GALNTL6: variants seen among roughly 807,000 people sequenced by gnomAD.
GALNTL6 encodes the protein polypeptide N-acetylgalactosaminyltransferase like 6.
A neutral mutation model predicts 73.7 loss-of-function variants in GALNTL6; 46 were observed. That is an observed-to-expected ratio of 0.62 (90% CI 0.49 to 0.80). The LOEUF (loss-of-function observed/expected upper bound fraction) is 0.80, where lower values mean the gene tolerates loss of function less well. GALNTL6 is among the 30% of genes least tolerant of loss of function. GALNTL6 has a pLI of 0.00. For missense variants in GALNTL6, 604 were observed against 755.0 expected, an observed-to-expected ratio of 0.80 and a Z score of 2.34; for synonymous variants, 259 against 263.7, an observed-to-expected ratio of 0.98 and a Z score of 0.17.
At chr4:172,413,531 A>G (rs929256518) in intron 5 of GALNTL6, among the ~76,000 whole-genome samples, 16 of 152,216 alleles carry the variant, frequency 1.1e-4, no homozygotes, top group African/African-American at 3.9e-4. Flanking sequence ...ACAGCCAAGT[A>G]TATTTCCACA....
At chr4:172,121,687 G>C (rs1040740499) in intron 2 of GALNTL6, among the ~76,000 whole-genome samples, 1 of 152,044 alleles carries the variant, frequency 6.6e-6, no homozygotes, top group African/African-American at 2.4e-5. Flanking sequence ...TGGTTCTCAG[G>C]CTAGGTCTAC....
chr4:172,644,386 A>G (rs1205748154), intron 5 of GALNTL6, among the ~76,000 whole-genome samples: 3 of 151,964 alleles, frequency 2.0e-5, no homozygotes, highest in African/African-American at 7.2e-5. Context: ...CACCCCAGAA[A>G]GATCTCCCTT....
At chr4:172,185,620 A>G (rs1294889868) in intron 2 of GALNTL6, among the ~76,000 whole-genome samples, 3 of 152,214 alleles carry the variant, frequency 2.0e-5, no homozygotes, top group South Asian at 2.1e-4. Context: ...ATTCTTAAGT[A>G]TAATTTGAGA....
rs575159777 is a variant in GALNTL6, at chr4:173,027,343, G to GA, written c.1638+5721dup. ...AAGGGTTGATTCATATACAGAGATA[G>GA]AAATAGATATAGATATATATTGATA... On this transcript the variant is annotated intron_variant, in intron 12 of 12. Transcript: ENST00000506823. Among the ~76,000 whole-genome samples the GA allele has an allele frequency of 1.4e-3, 208 of 152,262 alleles. 1 individual carries two copies. The highest frequency in any genetic ancestry group is 4.8e-3 in the African/African-American group (198 of 41,542).
At chr4:172,591,185 T>C (rs1737623839) in intron 5 of GALNTL6, among the ~76,000 whole-genome samples, 2 of 152,220 alleles carry the variant, frequency 1.3e-5, no homozygotes, top group African/African-American at 4.8e-5. Context: ...CTTTGAGAAA[T>C]TAAAGTTTAC....
intron 2 of GALNTL6, among the ~76,000 whole-genome samples, chr4:172,042,393 C>T (rs1742109135): frequency 6.6e-6 from 1 of 152,014 alleles, no homozygotes; most frequent in Non-Finnish European, 1.5e-5. Flanking sequence ...CCTTTAACTC[C>T]ATAACTTGTA....
In GALNTL6 at chr4:172,700,016, C is replaced by T. The variant is rs937684732; in HGVS notation, c.554-109345C>T. Among the ~76,000 whole-genome samples, 26 of 152,008 alleles carry T rather than the reference C, an allele frequency of 1.7e-4. No individual in the cohort carries two copies. The East Asian group carries it at 3.3e-3, about 19-fold the overall frequency. ...TTTACAAATGATACCAAGAAACTTC[C>T]GTCAATGACCTATGCATAAGGATTT... On this transcript the variant is annotated intron_variant, in intron 5 of 12. Coordinates refer to ENST00000506823, the MANE Select transcript of GALNTL6 (RefSeq NM_001034845.3).
intron 2 of GALNTL6, among the ~76,000 whole-genome samples, chr4:172,224,391 A>G (rs1736783455): frequency 6.6e-6 from 1 of 152,194 alleles, no homozygotes; most frequent in Non-Finnish European, 1.5e-5. Context: ...ATTTTCTTCC[A>G]AGGAACAAAT....
intron 5 of GALNTL6, among the ~76,000 whole-genome samples, chr4:172,408,311 T>C (rs1025654109): frequency 6.6e-6 from 1 of 152,066 alleles, no homozygotes; most frequent in Admixed American, 6.6e-5. Flanking sequence ...TAATTTGTTA[T>C]TTTTATACCT....
At chr4:172,864,352 C>A (rs960487999) in intron 7 of GALNTL6, among the ~76,000 whole-genome samples, 2 of 152,084 alleles carry the variant, frequency 1.3e-5, no homozygotes, top group African/African-American at 2.4e-5. Context: ...CCTGTCCTAG[C>A]CAGAATCATA....
At chr4:171,940,864 T>TAA (rs35996530) in intron 2 of GALNTL6, among the ~76,000 whole-genome samples, 13 of 142,244 alleles carry the variant, frequency 9.1e-5, no homozygotes, top group Middle Eastern at 3.3e-3. Flanking sequence ...AATAAATAAA[T>TAA]ATATAAGTCA....
At chr4:172,444,548 C>T (rs1731950859) in intron 5 of GALNTL6, among the ~76,000 whole-genome samples, 1 of 152,040 alleles carries the variant, frequency 6.6e-6, no homozygotes, top group Non-Finnish European at 1.5e-5. Flanking sequence ...ATGCCTCAGA[C>T]CTTGTTATTT....
intron 7 of GALNTL6, among the ~76,000 whole-genome samples, chr4:172,854,643 C>A (rs1357721342): frequency 6.6e-6 from 1 of 152,098 alleles, no homozygotes; most frequent in Non-Finnish European, 1.5e-5. Context: ...CATTCTATAT[C>A]CAATTGTAAA....
chr4:172,749,841 T>C (rs1351922664), intron 5 of GALNTL6, among the ~76,000 whole-genome samples: 1 of 149,518 alleles, frequency 6.7e-6, no homozygotes, highest in Non-Finnish European at 1.5e-5. Flanking sequence ...ATTTCTGATA[T>C]TTACTCTTTG....
At chr4:172,606,630 C>CA (rs1738295240) in intron 5 of GALNTL6, among the ~76,000 whole-genome samples, 2 of 37,538 alleles carry the variant, frequency 5.3e-5, no homozygotes, top group African/African-American at 1.1e-4. Flanking sequence ...TATATATATA[C>CA]TATATATATA....
intron 2 of GALNTL6, among the ~76,000 whole-genome samples, chr4:171,827,883 A>T (rs1306097786): frequency 2.0e-5 from 3 of 152,056 alleles, no homozygotes; most frequent in Non-Finnish European, 4.4e-5. Flanking sequence ...ATACATTGGA[A>T]TTTTTTTGGA....
chr4:172,269,352 C>G (rs894408208), intron 3 of GALNTL6, among the ~76,000 whole-genome samples: 1 of 152,056 alleles, frequency 6.6e-6, no homozygotes, highest in African/African-American at 2.4e-5. Context: ...GTGAGGGGAC[C>G]CACAGCACAG....
At chr4:172,430,406 T>C (rs1454141121) in intron 5 of GALNTL6, among the ~76,000 whole-genome samples, 1 of 152,004 alleles carries the variant, frequency 6.6e-6, no homozygotes, top group Non-Finnish European at 1.5e-5. Flanking sequence ...CAAAATCGAA[T>C]TATAGAAAGC....
intron 5 of GALNTL6, among the ~76,000 whole-genome samples, chr4:172,494,940 A>G (rs940887460): frequency 6.6e-6 from 1 of 152,198 alleles, no homozygotes; most frequent in Admixed American, 6.5e-5. Flanking sequence ...ACCCAGGAAC[A>G]ATACTTTGCA....
Sources: gnomAD v4.1 joint callset for allele counts (sites outside exome capture counted in the v4.1 genomes callset) on GRCh38, gnomAD v4.1.1 for gene constraint, MANE v1.5 for transcripts, NCBI Gene and HGNC (gene_info 2026-07-23, HGNC 2026-07-21) for gene names.